The following TCF7L1 variants were observed in gnomAD, a reference collection of about 807,000 sequenced individuals.
TCF7L1 encodes the protein transcription factor 7 like 1, also known as transcription factor 7-like 1.
In TCF7L1, 18 loss-of-function variants were observed where a neutral mutation model predicts 63.7. That is an observed-to-expected ratio of 0.28 (90% confidence interval 0.20 to 0.42). TCF7L1 has a LOEUF of 0.42. TCF7L1 is among the 10% of genes least tolerant of loss of function. The pLI is 1.00. For synonymous variants in TCF7L1, 355 were observed against 340.9 expected, an observed-to-expected ratio of 1.04 and a Z score of -0.46; for missense variants, 654 against 779.3, an observed-to-expected ratio of 0.84 and a Z score of 1.91.
chr2:85,189,132 G>A (rs1192783395), intron 3 of TCF7L1, among the ~76,000 whole-genome samples: 1 of 152,030 alleles, frequency 6.6e-6, no homozygotes, highest in Admixed American at 6.6e-5. Context: ...CCTTCCCCCC[G>A]AAGCAATTAA....
At chr2:85,149,324 C>T (rs1677953541) in intron 3 of TCF7L1, among the ~76,000 whole-genome samples, 1 of 88,122 alleles carries the variant, frequency 1.1e-5, no homozygotes, top group African/African-American at 4.3e-5. Flanking sequence ...TACACATATA[C>T]ACATATGTGT....
intron 3 of TCF7L1, among the ~76,000 whole-genome samples, chr2:85,180,005 G>C (rs1678763520): frequency 6.6e-6 from 1 of 152,026 alleles, no homozygotes; most frequent in African/African-American, 2.4e-5. Flanking sequence ...TCACACATAG[G>C]GGGTGTCTTG....
At chr2:85,294,761 G>A (rs551060176) in intron 4 of TCF7L1, among the ~76,000 whole-genome samples, 2 of 152,180 alleles carry the variant, frequency 1.3e-5, no homozygotes, top group South Asian at 2.1e-4. Flanking sequence ...AGCCAGGCAC[G>A]GTGACTCACA....
In TCF7L1 at chr2:85,257,101, C is replaced by A. The variant is rs185292656; in HGVS notation, c.442-26394C>A. On this transcript the variant is annotated intron_variant, in intron 3 of 11. Coordinates refer to ENST00000282111, the MANE Select transcript of TCF7L1 (RefSeq NM_031283.3). ...TAGTGGCACATGCCTGTGGTCTCAG[C>A]TACTCGAGAGGCTGAATCAGGAAGA... Among the ~76,000 whole-genome samples the A allele has an allele frequency of 9.9e-5, 15 of 152,118 alleles. No homozygotes were observed. In the East Asian group the frequency reaches 2.9e-3, roughly 29 times the overall value.
chr2:85,300,161 T>C (rs1329589533), intron 4 of TCF7L1, among the ~76,000 whole-genome samples: 1 of 152,154 alleles, frequency 6.6e-6, no homozygotes, highest in Non-Finnish European at 1.5e-5. Flanking sequence ...ATATAACTTG[T>C]TTACATTTTT....
At chr2:85,153,498 C>T (rs1574081226) in intron 3 of TCF7L1, among the ~76,000 whole-genome samples, 1 of 151,792 alleles carries the variant, frequency 6.6e-6, no homozygotes, top group Non-Finnish European at 1.5e-5. Context: ...CCCACCACCA[C>T]GCCCGGCTAA....
chr2:85,180,949 C>T (rs932684778), intron 3 of TCF7L1, among the ~76,000 whole-genome samples: 1 of 152,162 alleles, frequency 6.6e-6, no homozygotes, highest in African/African-American at 2.4e-5. Flanking sequence ...TCCTAAGGGC[C>T]CCTAACAGAC....
intron 3 of TCF7L1, among the ~76,000 whole-genome samples, chr2:85,191,641 G>T (rs1034075950): frequency 1.3e-5 from 2 of 152,076 alleles, no homozygotes; most frequent in Admixed American, 1.3e-4. Flanking sequence ...CCTGATCAAC[G>T]TGGTGAAACT....
chr2:85,163,631 G>A (rs141479876), intron 3 of TCF7L1, among the ~76,000 whole-genome samples: 9 of 152,132 alleles, frequency 5.9e-5, no homozygotes, highest in South Asian at 2.1e-4. Context: ...ACAAAGTACC[G>A]CATGCTAGGA....
chr2:85,179,000 G>T (rs547396609), intron 3 of TCF7L1, among the ~76,000 whole-genome samples: 2 of 152,176 alleles, frequency 1.3e-5, no homozygotes, highest in East Asian at 1.9e-4. Flanking sequence ...CTACCCACCC[G>T]TCAGAGCCTG....
chr2:85,199,518 A>G (rs1679226802), intron 3 of TCF7L1, among the ~76,000 whole-genome samples: 1 of 152,172 alleles, frequency 6.6e-6, no homozygotes, highest in Non-Finnish European at 1.5e-5. Context: ...CATTAGAGTC[A>G]ACTGGGGAGC....
intron 3 of TCF7L1, among the ~76,000 whole-genome samples, chr2:85,158,016 C>T (rs756563419): frequency 2.6e-5 from 4 of 152,158 alleles, no homozygotes; most frequent in East Asian, 1.9e-4. Context: ...TGCTACATGG[C>T]GGACAGAGGA....
At chr2:85,234,029 A>C (rs966210397) in intron 3 of TCF7L1, 2 of 151,946 alleles carry the variant, frequency 1.3e-5, no homozygotes, top group African/African-American at 4.8e-5. Flanking sequence ...ATAAATAGTC[A>C]CGTAAAGTTT....
intron 3 of TCF7L1, among the ~76,000 whole-genome samples, chr2:85,141,814 G>A (rs1380276960): frequency 1.3e-5 from 2 of 152,202 alleles, no homozygotes; most frequent in African/African-American, 4.8e-5. Flanking sequence ...TTGAAGATGA[G>A]GTTGTAGGGG....
chr2:85,146,497 C>CTTTTTTTTTTT (rs554058692), intron 3 of TCF7L1, among the ~76,000 whole-genome samples: 1 of 103,576 alleles, frequency 9.7e-6, no homozygotes, highest in African/African-American at 3.8e-5. Flanking sequence ...TTCTTTCTTT[C>CTTTTTTTTTTT]TTTTTTTTTT....
In TCF7L1 at chr2:85,250,403, T is replaced by C. The variant is rs116123386; in HGVS notation, c.442-33092T>C. Among the ~76,000 whole-genome samples, 650 of 152,232 alleles carry C rather than the reference T, an allele frequency of 4.3e-3. 4 individuals carry two copies. The highest frequency in any genetic ancestry group is 0.015 in the African/African-American group (627 of 41,532). On this transcript the variant is annotated intron_variant, in intron 3 of 11. Transcript: ENST00000282111. Reference sequence around the variant, plus strand: ...GGCCTTTTAAAAAAGCACTCGGTAATATATTAAATATTAAACATAGACTAG... The same window carrying C: ...GGCCTTTTAAAAAAGCACTCGGTAACATATTAAATATTAAACATAGACTAG...
At chr2:85,141,640 C>T (rs919574571) in intron 3 of TCF7L1, among the ~76,000 whole-genome samples, 2 of 152,068 alleles carry the variant, frequency 1.3e-5, no homozygotes, top group African/African-American at 4.8e-5. Flanking sequence ...GGAGTGGGAG[C>T]CTGTTTGTAG....
At chr2:85,163,359 A>G (rs772584273) in intron 3 of TCF7L1, among the ~76,000 whole-genome samples, 30 of 152,234 alleles carry the variant, frequency 2.0e-4, no homozygotes, top group Non-Finnish European at 3.7e-4. Flanking sequence ...CCATAAGACC[A>G]TGGGCTGGTG....
intron 3 of TCF7L1, among the ~76,000 whole-genome samples, chr2:85,173,348 C>T (rs1014658960): frequency 2.0e-5 from 3 of 151,938 alleles, no homozygotes; most frequent in Non-Finnish European, 2.9e-5. Context: ...CTCCAAACAG[C>T]AGGTAGGTGT....
Sources: gnomAD v4.1 joint callset for allele counts (sites outside exome capture counted in the v4.1 genomes callset) on GRCh38, gnomAD v4.1.1 for gene constraint, MANE v1.5 for transcripts, NCBI Gene and HGNC (gene_info 2026-07-23, HGNC 2026-07-21) for gene names.